Variants in ASMT observed in about 807,000 individuals in gnomAD.
ASMT encodes the protein acetylserotonin N-methyltransferase.
ASMT carries 53 observed loss-of-function variants against 41.3 expected under a neutral mutation model. The observed-to-expected ratio is 1.28, with a 90% CI of 1.03 to 1.61. The LOEUF (loss-of-function observed/expected upper bound fraction) is 1.61. ASMT is among the 40% of genes most tolerant of loss of function. The pLI, the probability that ASMT is intolerant of heterozygous loss-of-function variation, is 0.00. For missense variants in ASMT, 531 were observed against 441.3 expected (o/e 1.20, Z -1.82); for synonymous variants, 231 against 184.8 (o/e 1.25, Z -2.03).
chrX:1,626,884 C>T (rs1934568097), intron 3 of ASMT, among the ~76,000 whole-genome samples: 1 of 150,690 alleles, frequency 6.6e-6, no homozygotes, highest in Non-Finnish European at 1.5e-5. Context: ...CAAAAATGAG[C>T]CAGGCATGGT....
At chrX:1,616,423 C>T (rs1245109920) in intron 1 of ASMT, among the ~76,000 whole-genome samples, 1 of 151,342 alleles carries the variant, frequency 6.6e-6, no homozygotes, top group Non-Finnish European at 1.5e-5. Context: ...GGAAAGTGGA[C>T]TGGTGGTTTG....
intron 1 of ASMT, among the ~76,000 whole-genome samples, chrX:1,622,861 G>C (rs1328076532): frequency 1.3e-5 from 2 of 151,818 alleles, no homozygotes; most frequent in Non-Finnish European, 2.9e-5. Context: ...GCAGTGAGCC[G>C]AGACCGCACC....
chrX:1,618,660 C>A (rs1934226042), intron 1 of ASMT, among the ~76,000 whole-genome samples: 1 of 152,134 alleles, frequency 6.6e-6, no homozygotes, highest in Non-Finnish European at 1.5e-5. Context: ...TGGTCTCGAA[C>A]TCCTGACCTC....
chrX:1,636,888 G>C (rs190444383), intron 8 of ASMT, among the ~76,000 whole-genome samples: 3,313 of 150,302 alleles, frequency 0.022, 91 homozygotes, highest in African/African-American at 0.074. Context: ...CATCCTGATG[G>C]TTCATGAGGA....
chrX:1,630,062 A>G (rs1428794527), intron 5 of ASMT, 123 bp downstream of exon 5: 11 of 915,986 alleles, frequency 1.2e-5, no homozygotes, highest in Non-Finnish European at 2.0e-5. Flanking sequence ...TACTGGTCTT[A>G]GAGGAATCAT....
intron 1 of ASMT, among the ~76,000 whole-genome samples, chrX:1,615,557 C>G (rs1299714505): frequency 2.0e-5 from 3 of 152,022 alleles, no homozygotes; most frequent in Non-Finnish European, 4.4e-5. Context: ...GATCCCAGCA[C>G]TTTGGGAGGC....
At chrX:1,628,573 C>G (rs1934645891) in intron 4 of ASMT, among the ~76,000 whole-genome samples, 1 of 151,360 alleles carries the variant, frequency 6.6e-6, no homozygotes, top group South Asian at 2.1e-4. Context: ...CGCCTGCCCC[C>G]CAACCTCTCC....
intron 1 of ASMT, among the ~76,000 whole-genome samples, chrX:1,616,196 TTTTTG>T (rs1368134431): frequency 2.7e-5 from 2 of 72,776 alleles, no homozygotes; most frequent in Non-Finnish European, 7.2e-5. Flanking sequence ...GCCCGGCTAA[TTTTTG>T]TATTTTTAGT....
chrX:1,636,458 C>G lies in ASMT; in HGVS notation c.808C>G (p.Leu270Val), dbSNP rs758486345. 3.1e-6 allele frequency: 5 copies of G among 1,613,822 alleles called. No individual in the cohort carries two copies. The African/African-American group carries it at 4.0e-5, about 13-fold the overall frequency. ...FQEGDFFKDPLPEADLYILAR... is the reference protein window; with the variant it reads ...FQEGDFFKDPVPEADLYILAR... Reference sequence around the variant, plus strand: ...TCCAGGGGATTTCTTCAAAGACCCTCTTCCGGAAGCTGATCTGTACATCCT... The same window carrying G: ...TCCAGGGGATTTCTTCAAAGACCCTGTTCCGGAAGCTGATCTGTACATCCT... Residue 270 changes from leucine (L) to valine (V), a missense_variant, in exon 8 of 9, where the codon CTT (leucine) becomes GTT (valine). Physicochemically the swap from Leu to Val is conservative, Grantham distance 32. Coordinates refer to ENST00000381241, the MANE Select transcript of ASMT (RefSeq NM_001171038.2).
chrX:1,631,091 T>C (rs1934759560), intron 5 of ASMT, among the ~76,000 whole-genome samples: 1 of 151,326 alleles, frequency 6.6e-6, no homozygotes, highest in African/African-American at 2.4e-5. Context: ...TTTGTTTTTT[T>C]TTTTAGTAGA....
In ASMT at chrX:1,629,863, G is replaced by C; in HGVS notation, c.486G>C (p.Glu162Asp). ...ERLQFMQALQEVWSVNGRSVL... is the reference protein window; with the variant it reads ...ERLQFMQALQDVWSVNGRSVL... ...TACAGTTCATGCAAGCTCTGCAGGA[G>C]GTCTGGAGCGTCAACGGGAGAAGCG... The change falls in exon 5 of 9, where the codon GAG becomes GAC. Residue 162 changes from glutamate to aspartate, a missense_variant. Physicochemically the swap from Glu to Asp is conservative, Grantham distance 45. Transcript: ENST00000381241. 2 of 1,614,006 alleles carry C rather than the reference G, an allele frequency of 1.2e-6. No individual in the cohort carries two copies. The highest frequency in any genetic ancestry group is 1.7e-6 in the Non-Finnish European group (2 of 1,179,882).
intron 1 of ASMT, among the ~76,000 whole-genome samples, chrX:1,615,592 C>A (rs191755362): frequency 6.6e-6 from 1 of 151,860 alleles, no homozygotes; most frequent in Non-Finnish European, 1.5e-5. Context: ...CACCTGAGGT[C>A]GGGAGTTCGA....
chrX:1,630,016 A>G, intron 5 of ASMT, 77 bp downstream of exon 5: 2 of 1,280,682 alleles, frequency 1.6e-6, no homozygotes, highest in Admixed American at 3.4e-5. Flanking sequence ...CATGTCTTTT[A>G]TTTTCTGCAT....
In ASMT at chrX:1,617,838, C is replaced by T. The variant is rs1934195639; in HGVS notation, c.69+2570C>T. On this transcript the variant is annotated intron_variant, in intron 1 of 8. Coordinates refer to ENST00000381241, the MANE Select transcript of ASMT (RefSeq NM_001171038.2). ...CTATGTTGGTCAGGCTGGTCTCGAA[C>T]TCCCAACCTCAGGTGATCCTCCTGG... Among the ~76,000 whole-genome samples the T allele has an allele frequency of 2.6e-5, 4 of 152,202 alleles. No homozygotes were observed. The South Asian group carries it at 6.2e-4, about 24-fold the overall frequency.
In ASMT at chrX:1,623,192, A is replaced by C. The variant is rs1464550650; in HGVS notation, c.123A>C (p.Pro41=). ...TGTTTGACCTTCTCGCCGAGGCCCC[A>C]GGGCCCCTGGACGTGGCGGCAGTGG... is the stretch of plus-strand genomic sequence containing the variant. ...LGVFDLLAEA[P]GPLDVAAVAA... Residue 41 remains proline, a synonymous_variant, in exon 2 of 9, where the codon CCA becomes CCC. Coordinates refer to ENST00000381241, the MANE Select transcript of ASMT (RefSeq NM_001171038.2). 1 of 1,613,334 alleles carries C rather than the reference A, an allele frequency of 6.2e-7. No homozygotes were observed. Among genetic ancestry groups the C allele is most frequent in the East Asian group, 2.2e-5 (1 of 44,872 alleles).
intron 8 of ASMT, among the ~76,000 whole-genome samples, chrX:1,641,740 G>T (rs1359803580): frequency 6.7e-6 from 1 of 149,246 alleles, no homozygotes; most frequent in Non-Finnish European, 1.5e-5. Flanking sequence ...CCATCCTGGT[G>T]GTCCATGAGT....
chrX:1,627,882 C>T (rs1462651240), intron 4 of ASMT, 111 bp downstream of exon 4: 1 of 1,049,654 alleles, frequency 9.5e-7, no homozygotes, highest in East Asian at 2.4e-5. Flanking sequence ...GAGGAAGCTG[C>T]CATTTAATTT....
In ASMT at chrX:1,636,757, T is replaced by C. The variant is rs1214460569; in HGVS notation, c.910+197T>C. The C allele has an allele frequency of 2.1e-5, 7 of 338,650 alleles. No homozygotes were observed. In the Admixed American group the frequency reaches 4.5e-4, roughly 22 times the overall value. The allele number at this position is 338,650 out of a possible 1,614,324, so 21.0% of individuals were successfully genotyped here. ...TTCTATTGATAAAACCACATAAAGA[T>C]GGAAAAAGTGAAAGGCCCTCTGAAA... On this transcript the variant is annotated intron_variant, in intron 8 of 8. Transcript: ENST00000381241.
intron 8 of ASMT, among the ~76,000 whole-genome samples, chrX:1,640,576 A>C (rs370988034): frequency 0.062 from 1,966 of 31,800 alleles, 145 homozygotes; most frequent in East Asian, 0.11. Flanking sequence ...AGATCCATCC[A>C]TCCTGATGGC....
Sources: gnomAD v4.1 joint callset for allele counts (sites outside exome capture counted in the v4.1 genomes callset) on GRCh38, gnomAD v4.1.1 for gene constraint, MANE v1.5 for transcripts, NCBI Gene and HGNC (gene_info 2026-07-23, HGNC 2026-07-21) for gene names.